CFAP47: variants seen among roughly 807,000 people sequenced by gnomAD.
CFAP47 encodes cilia and flagella associated protein 47.
In CFAP47, 29 loss-of-function variants were observed where a neutral mutation model predicts 148.1. That is an observed-to-expected ratio of 0.20 (90% CI 0.15 to 0.27). The LOEUF is 0.27. Among genes scored for constraint, CFAP47 ranks in the 10% least tolerant of loss-of-function variants. The pLI is 1.00. For missense variants in CFAP47, 1,872 were observed against 1,697.5 expected, an observed-to-expected ratio of 1.10 and a Z score of -1.81; for synonymous variants, 664 against 577.3, an observed-to-expected ratio of 1.15 and a Z score of -2.15.
chrX:36,266,711 G>A (rs1334211767), intron 49 of CFAP47, among the ~76,000 whole-genome samples: 3 of 110,908 alleles, frequency 2.7e-5, no homozygotes, highest in Admixed American at 1.9e-4. Flanking sequence ...GGCATGGCCC[G>A]GCAGGAACTC....
intron 13 of CFAP47, among the ~76,000 whole-genome samples, chrX:35,974,076 A>G (rs751931007): frequency 8.9e-6 from 1 of 111,970 alleles, no homozygotes; most frequent in East Asian, 2.8e-4. Context: ...CTTTCCTTAT[A>G]TAATACATAA....
intron 39 of CFAP47, among the ~76,000 whole-genome samples, chrX:36,176,474 G>A (rs1939682823): frequency 8.9e-6 from 1 of 112,673 alleles, no homozygotes; most frequent in Non-Finnish European, 1.9e-5. Context: ...TCACCTGGGA[G>A]CTTGCTAGAA....
chrX:35,960,263 A>G (rs763851381), intron 8 of CFAP47, among the ~76,000 whole-genome samples: 1 of 105,550 alleles, frequency 9.5e-6, no homozygotes, highest in Non-Finnish European at 1.9e-5. Flanking sequence ...GCTTTATGGT[A>G]TTTTTTGAAT....
intron 1 of CFAP47, among the ~76,000 whole-genome samples, chrX:35,925,815 C>T (rs1183495301): frequency 3.6e-5 from 4 of 111,764 alleles, no homozygotes; most frequent in African/African-American, 1.3e-4. Flanking sequence ...CACCACCACG[C>T]CCGGCTAGTT....
chrX:35,924,818 T>G lies in CFAP47; in HGVS notation c.250-1199T>G, dbSNP rs149780812. On this transcript the variant is annotated intron_variant, in intron 1 of 63. Transcript: ENST00000378653. ...ACTCTTGAAAGCATATCTTAAATATTTAGAATCAGATAGGTAAAAACATGA... is the reference window on the plus strand; with the variant it reads ...ACTCTTGAAAGCATATCTTAAATATGTAGAATCAGATAGGTAAAAACATGA... Among the ~76,000 whole-genome samples the G allele has an allele frequency of 4.1e-3, 458 of 111,217 alleles. 1 individual carries two copies. The highest frequency in any genetic ancestry group is 0.013 in the African/African-American group (404 of 30,644).
intron 2 of CFAP47, among the ~76,000 whole-genome samples, chrX:35,938,032 G>A (rs747261367): frequency 9.0e-6 from 1 of 110,958 alleles, no homozygotes; most frequent in African/African-American, 3.3e-5. Context: ...AAATATCTAC[G>A]ATTTTCATCA....
At chrX:36,177,731 CTG>C (rs1215249685) in intron 39 of CFAP47, among the ~76,000 whole-genome samples, 52 of 112,214 alleles carry the variant, frequency 4.6e-4, no homozygotes, top group African/African-American at 1.7e-3. Flanking sequence ...AGTACAGAAT[CTG>C]ATGTTGGCAT....
intron 29 of CFAP47, among the ~76,000 whole-genome samples, chrX:36,078,839 G>A (rs1376350115): frequency 3.6e-5 from 4 of 111,231 alleles, no homozygotes; most frequent in Non-Finnish European, 7.5e-5. Flanking sequence ...CATGTTTAGT[G>A]CTTCCTTCAG....
In CFAP47 at chrX:36,103,501, G is replaced by GAAAAAAA. The variant is rs61501194; in HGVS notation, c.5128-976_5128-970dup. ...GAGCTGAGTGTGCTCTCATATGCCAGAAAAAAAAAAAAAAAAAAAAAAAAA... is the reference window on the plus strand; with the variant it reads ...GAGCTGAGTGTGCTCTCATATGCCAGAAAAAAAAAAAAAAAAAAAAAAAAAAAAAAAA... On this transcript the variant is annotated intron_variant, in intron 32 of 63. Coordinates refer to ENST00000378653, the MANE Select transcript of CFAP47 (RefSeq NM_001304548.2). Among the ~76,000 whole-genome samples, 23 of 15,047 alleles carry GAAAAAAA rather than the reference G, an allele frequency of 1.5e-3. 3 individuals are homozygous for GAAAAAAA. Among genetic ancestry groups the GAAAAAAA allele is most frequent in the African/African-American group, 4.5e-3 (19 of 4,201 alleles). The allele number at this position is 15,047 out of a possible 115,157, so 13.1% of individuals were successfully genotyped here. A position where few individuals can be genotyped will look rare whatever the true frequency, so the allele number is the denominator to read the frequency against.
At chrX:35,938,993 A>G (rs1471533475) in intron 2 of CFAP47, among the ~76,000 whole-genome samples, 1 of 111,955 alleles carries the variant, frequency 8.9e-6, no homozygotes, top group Non-Finnish European at 1.9e-5. Flanking sequence ...ATGCATCACC[A>G]TTAAACTAAG....
intron 26 of CFAP47, among the ~76,000 whole-genome samples, chrX:36,057,920 C>G (rs1402334157): frequency 9.0e-6 from 1 of 111,525 alleles, no homozygotes; most frequent in African/African-American, 3.3e-5. Flanking sequence ...GTTTGCTGGG[C>G]ATGGTACTTT....
intron 8 of CFAP47, among the ~76,000 whole-genome samples, chrX:35,960,380 GAAAAA>G (rs1188987905): frequency 5.2e-3 from 81 of 15,476 alleles, no homozygotes; most frequent in African/African-American, 0.02. Context: ...GCTAATTTCT[GAAAAA>G]AAAAAAAAAA....
intron 49 of CFAP47, among the ~76,000 whole-genome samples, chrX:36,256,424 A>G (rs1940752779): frequency 8.9e-6 from 1 of 112,197 alleles, no homozygotes; most frequent in African/African-American, 3.2e-5. Context: ...CACTAGCAAA[A>G]TAACTTGTAA....
intron 62 of CFAP47, among the ~76,000 whole-genome samples, chrX:36,378,059 T>G (rs1162240765): frequency 1.8e-5 from 2 of 112,076 alleles, no homozygotes; most frequent in African/African-American, 6.5e-5. Context: ...CATCCTCTCC[T>G]ATGTCTCACT....
chrX:36,233,678 G>A (rs1457494222), intron 46 of CFAP47, among the ~76,000 whole-genome samples: 16 of 111,532 alleles, frequency 1.4e-4, no homozygotes, highest in African/African-American at 5.2e-4. Flanking sequence ...TGGTTATTTT[G>A]CTGGTTAGTT....
chrX:36,281,528 C>T (rs1009415946), intron 50 of CFAP47, among the ~76,000 whole-genome samples: 1 of 112,509 alleles, frequency 8.9e-6, no homozygotes, highest in Non-Finnish European at 1.9e-5. Flanking sequence ...TTCTATGTTA[C>T]AGTCTTGAGA....
chrX:36,299,175 T>C (rs782352336), intron 52 of CFAP47, 23 bp downstream of exon 52: 43 of 918,599 alleles, frequency 4.7e-5, no homozygotes, highest in Non-Finnish European at 2.8e-6. Flanking sequence ...TGTGGCATTA[T>C]ATTTCATTGT....
chrX:36,049,486 T>TCACACACA (rs1335410550), intron 26 of CFAP47, among the ~76,000 whole-genome samples: 2 of 64,554 alleles, frequency 3.1e-5, no homozygotes, highest in Non-Finnish European at 5.3e-5. Context: ...TATTTCTCTC[T>TCACACACA]CTCACACACA....
In CFAP47 at chrX:36,039,347, A is replaced by G. The variant is rs141715787; in HGVS notation, c.4007+168A>G. 3.7e-3 allele frequency among the ~76,000 whole-genome samples: 416 copies of G among 112,116 alleles called. 3 individuals carry two copies. The highest frequency in any genetic ancestry group is 0.036 in the East Asian group (129 of 3,557). On this transcript the variant is annotated intron_variant, in intron 25 of 63. Transcript: ENST00000378653. The stretch of plus-strand genomic sequence containing the variant: ...CAAAAAAACCAAAAAATCTTTCTTA[A>G]TTATCTCACAGTTAGTCATTGAATT...
Sources: gnomAD v4.1 joint callset for allele counts (sites outside exome capture counted in the v4.1 genomes callset) on GRCh38, gnomAD v4.1.1 for gene constraint, MANE v1.5 for transcripts, NCBI Gene and HGNC (gene_info 2026-07-23, HGNC 2026-07-21) for gene names.